Variants in MACROD1 observed in about 807,000 individuals in gnomAD.
The protein encoded by MACROD1 is mono-ADP ribosylhydrolase 1.
MACROD1 carries 31 observed loss-of-function variants against 41.4 expected under a neutral mutation model. The ratio of observed to expected loss-of-function variants is 0.75; its 90% CI spans 0.56 to 1.01. The LOEUF is 1.01. Among genes scored for constraint, MACROD1 ranks in the 50% least tolerant of loss-of-function variants. The pLI is 0.00. For missense variants in MACROD1, 473 were observed against 460.0 expected, an observed-to-expected ratio of 1.03 and a Z score of -0.26; for synonymous variants, 252 against 203.4, an observed-to-expected ratio of 1.24 and a Z score of -2.03.
At chr11:64,080,867 A>C (rs966037784) in intron 3 of MACROD1, among the ~76,000 whole-genome samples, 6 of 152,204 alleles carry the variant, frequency 3.9e-5, no homozygotes, top group Non-Finnish European at 4.4e-5. Flanking sequence ...AGCAGCCATC[A>C]GTGGCTGTTT....
chr11:64,070,629 T>C (rs1397602164), intron 3 of MACROD1, among the ~76,000 whole-genome samples: 2 of 152,126 alleles, frequency 1.3e-5, no homozygotes, highest in Non-Finnish European at 2.9e-5. Flanking sequence ...GAAAGCACCA[T>C]AACTAACACT....
chr11:64,054,126 G>A (rs2134419425), intron 3 of MACROD1, among the ~76,000 whole-genome samples: 1 of 152,218 alleles, frequency 6.6e-6, no homozygotes, highest in South Asian at 2.1e-4. Context: ...AGTTCTACCA[G>A]GCAGGAGCCT....
rs971936733 is a variant in MACROD1 at position 64,072,425 on chromosome 11, A to T, written c.518-57144T>A. Among the ~76,000 whole-genome samples the T allele has an allele frequency of 6.0e-4, 69 of 114,808 alleles. 1 individual carries two copies. Among genetic ancestry groups the T allele is most frequent in the Admixed American group, 3.2e-3 (40 of 12,502 alleles). The allele number at this position is 114,808 out of a possible 152,430, so 75.3% of individuals were successfully genotyped here. ...AAGGTCAGCTGATCCGGCTCATTTA[A>T]AAAAAAAAAAATAATAATTACATAA... On this transcript the variant is annotated intron_variant, in intron 3 of 10. Transcript: ENST00000255681.
chr11:64,132,004 G>A (rs1444587237), intron 3 of MACROD1, among the ~76,000 whole-genome samples: 1 of 152,174 alleles, frequency 6.6e-6, no homozygotes, highest in African/African-American at 2.4e-5. Flanking sequence ...GGCAGCCCTG[G>A]AAGTGGGGCC....
Position 64,164,799 on chromosome 11 carries a change from G to A in MACROD1, c.298+898C>T, listed in dbSNP as rs376453935. Among the ~76,000 whole-genome samples the A allele has an allele frequency of 3.3e-5, 5 of 152,332 alleles. No individual in the cohort carries two copies. In the South Asian group the frequency reaches 8.3e-4, roughly 25 times the overall value. On this transcript the variant is annotated intron_variant, in intron 1 of 10. Transcript: ENST00000255681. ...TAGCCACTTCCCTGCACTTTTGAAA[G>A]GGGATCCAGCCGGGAAGAGTCACAG...
intron 4 of MACROD1, among the ~76,000 whole-genome samples, chr11:64,013,631 G>T (rs77551152): frequency 6.6e-6 from 1 of 152,180 alleles, no homozygotes; most frequent in Non-Finnish European, 1.5e-5. Context: ...GAAGAGACTC[G>T]ATGAGCTGAT....
rs372580345 is a variant in MACROD1 at position 64,118,111 on chromosome 11, G to A, written c.517+33128C>T. The A allele has an allele frequency of 6.9e-5, 112 of 1,611,626 alleles. No homozygotes were observed. In the Admixed American group the frequency reaches 1.5e-3, roughly 21 times the overall value. On this transcript the variant is annotated intron_variant, in intron 3 of 10. Transcript: ENST00000255681. ...AAGGATAACTCCATCCTGGAAATCC[G>A]CGGCCCTGGGCTGCAGATGCTGCCC...
intron 1 of MACROD1, among the ~76,000 whole-genome samples, chr11:64,164,000 G>A (rs369271563): frequency 2.7e-4 from 41 of 152,120 alleles, no homozygotes; most frequent in South Asian, 8.3e-4. Flanking sequence ...CCCCTGAGAC[G>A]CCTCCTCTGA....
chr11:64,048,115 C>CCAGAAG (rs1332563654), intron 3 of MACROD1, among the ~76,000 whole-genome samples: 1 of 152,134 alleles, frequency 6.6e-6, no homozygotes, highest in East Asian at 1.9e-4. Context: ...GGCAGTGGGC[C>CCAGAAG]CAGAAGCAGG....
intron 3 of MACROD1, among the ~76,000 whole-genome samples, chr11:64,126,625 CCGGTGG>C (rs1389085153): frequency 1.3e-5 from 2 of 152,104 alleles, no homozygotes; most frequent in Non-Finnish European, 2.9e-5. Flanking sequence ...CATCCCCTTC[CCGGTGG>C]TCTGAAGAGG....
At chr11:64,086,494 C>T (rs1292544302) in intron 3 of MACROD1, among the ~76,000 whole-genome samples, 1 of 151,666 alleles carries the variant, frequency 6.6e-6, no homozygotes, top group Non-Finnish European at 1.5e-5. Flanking sequence ...CCAGGCCCTT[C>T]CCTGAGGTCC....
chr11:64,015,380 C>A (rs1193600139), intron 3 of MACROD1, 99 bp from the exon 4 acceptor site: 1 of 1,176,858 alleles, frequency 8.5e-7, no homozygotes, highest in Non-Finnish European at 1.2e-6. Flanking sequence ...AGTGGGCTGC[C>A]AGCTAGGTCT....
chr11:64,077,461 T>A (rs998422132), intron 3 of MACROD1, among the ~76,000 whole-genome samples: 3 of 152,076 alleles, frequency 2.0e-5, no homozygotes, highest in Non-Finnish European at 2.9e-5. Context: ...TAAAGACCCA[T>A]CAGCCTTGCC....
chr11:64,116,406 G>C, intron 3 of MACROD1: 3 of 1,613,966 alleles, frequency 1.9e-6, no homozygotes, highest in Non-Finnish European at 2.5e-6. Flanking sequence ...CTTCCTGACG[G>C]AGGTCATCGA....
chr11:64,114,256 G>GTGGATTGA (rs139072150), intron 3 of MACROD1, among the ~76,000 whole-genome samples: 73,751 of 137,636 alleles, frequency 0.54, 21,839 homozygotes, highest in Non-Finnish European at 0.67. Context: ...GGATGGTTAG[G>GTGGATTGA]TGGATGGATG....
intron 3 of MACROD1, among the ~76,000 whole-genome samples, chr11:64,129,813 C>T (rs537257382): frequency 5.6e-4 from 85 of 152,278 alleles, no homozygotes; most frequent in South Asian, 1.9e-3. Flanking sequence ...TTTTAATACG[C>T]GCCCCAGGGG....
At chr11:64,028,539 C>T (rs950222012) in intron 3 of MACROD1, among the ~76,000 whole-genome samples, 1 of 152,070 alleles carries the variant, frequency 6.6e-6, no homozygotes, top group Non-Finnish European at 1.5e-5. Context: ...GTATGCGAGG[C>T]CCGGCCTCAG....
chr11:64,000,904 TGATCA>T, intron 4 of MACROD1, among the ~76,000 whole-genome samples: 1 of 152,160 alleles, frequency 6.6e-6, no homozygotes, highest in Admixed American at 6.5e-5. Context: ...TGTTACAGGG[TGATCA>T]GATCTGTAGC....
intron 3 of MACROD1, among the ~76,000 whole-genome samples, chr11:64,123,187 G>A (rs1026922445): frequency 2.0e-5 from 3 of 152,210 alleles, no homozygotes; most frequent in African/African-American, 7.2e-5. Flanking sequence ...GGGCCAGGAC[G>A]CAGCCAGGGT....
Sources: allele counts gnomAD v4.1 joint callset (sites outside exome capture counted in the v4.1 genomes callset), GRCh38; gene constraint gnomAD v4.1.1; transcripts MANE v1.5; gene names NCBI Gene and HGNC (gene_info 2026-07-23, HGNC 2026-07-21).